Variants in ST6GALNAC4 observed in about 807,000 individuals in gnomAD.
The protein encoded by ST6GALNAC4 is ST6 N-acetylgalactosaminide alpha-2,6-sialyltransferase 4, also known as alpha-N-acetyl-neuraminyl-2,3-beta-galactosyl-1,3-N-acetyl-galactosaminide alpha-2,6-sialyltransferase.
ST6GALNAC4 carries 24 observed loss-of-function variants against 30.4 expected under a neutral mutation model. That is an observed-to-expected ratio of 0.79 (90% confidence interval 0.57 to 1.11). ST6GALNAC4 has a LOEUF of 1.11. ST6GALNAC4 is among the 50% of genes most tolerant of loss of function. The probability of loss-of-function intolerance (pLI) is 0.00; values close to 1 mark genes in which losing one functional copy is unlikely to be tolerated. For missense variants in ST6GALNAC4, 365 were observed against 430.1 expected (o/e 0.85, Z 1.34); for synonymous variants, 156 against 179.7 (o/e 0.87, Z 1.05).
At chr9:127,910,208 G>A in intron 4 of ST6GALNAC4, 150 bp from the exon 5 acceptor site, 2 of 1,434,636 alleles carry the variant, frequency 1.4e-6, no homozygotes, top group South Asian at 1.4e-5. Flanking sequence ...AGGGGACAGA[G>A]CCAGCCCAAG....
In ST6GALNAC4 at chr9:127,916,896, T is replaced by G; in HGVS notation, c.-146A>C. On this transcript the variant is annotated 5_prime_UTR_variant, in exon 1 of 6. Transcript: ENST00000335791. ...GTAGGTTTTTCACCGCCCTTCCAGA[T>G]TCCACTGCCGCATCTCCCGGCCGAA... 1 of 173,838 alleles carries G rather than the reference T, an allele frequency of 5.8e-6. No individual in the cohort carries two copies. Among genetic ancestry groups the G allele is most frequent in the Non-Finnish European group, 1.3e-5 (1 of 79,934 alleles). 10.8% of individuals were successfully genotyped at this position (173,838 alleles called of 1,614,324 possible).
intron 4 of ST6GALNAC4, among the ~76,000 whole-genome samples, chr9:127,911,514 C>T (rs1393991278): frequency 6.6e-6 from 1 of 152,178 alleles, no homozygotes; most frequent in East Asian, 1.9e-4. Context: ...GACAGAGTCT[C>T]GCTCTGTCAC....
chr9:127,916,334 G>A, intron 2 of ST6GALNAC4, 74 bp downstream of exon 2: 1 of 1,601,316 alleles, frequency 6.2e-7, no homozygotes, highest in South Asian at 1.1e-5. Context: ...GGGTCCTGGG[G>A]TGGAGAGGCT....
At position 127,908,437 on chromosome 9, in the gene ST6GALNAC4, C is replaced by A; in HGVS notation, c.864G>T (p.Lys288Asn). The A allele has an allele frequency of 6.3e-7, 1 of 1,599,802 alleles. No individual in the cohort carries two copies. The highest frequency in any genetic ancestry group is 1.7e-4 in the Middle Eastern group (1 of 6,012). ...GATGGGCGAACACGATGGGCCTCTTCTTGGCCCAGCGGGAGAAGACCGCCT... is the reference window on the plus strand; with the variant it reads ...GATGGGCGAACACGATGGGCCTCTTATTGGCCCAGCGGGAGAAGACCGCCT... ...TEKAVFSRWAKKRPIVFAHPS... is the reference protein window; with the variant it reads ...TEKAVFSRWANKRPIVFAHPS... Residue 288 changes from lysine (K) to asparagine (N), a missense_variant, in exon 6 of 6, where the codon AAG (lysine) becomes AAT (asparagine). Transcript: ENST00000335791.
In ST6GALNAC4 at chr9:127,916,771, T is replaced by A. The variant is rs1362188041; in HGVS notation, c.-76+55A>T. ...GGCGCCCCCAGCTCAAGGTCACCCA[T>A]CAGGTCTGGGGCAGAGAGAGCCAGA... On this transcript the variant is annotated intron_variant, in intron 1 of 5. Coordinates refer to ENST00000335791, the MANE Select transcript of ST6GALNAC4 (RefSeq NM_175039.4). 4 of 448,140 alleles carry A rather than the reference T, an allele frequency of 8.9e-6. No homozygotes were observed. The Admixed American group carries it at 1.1e-4, about 12-fold the overall frequency. 27.8% of individuals were successfully genotyped at this position (448,140 alleles called of 1,614,324 possible).
chr9:127,916,605 C>A (rs1831200284), intron 1 of ST6GALNAC4, 111 bp from the exon 2 acceptor site: 1 of 641,962 alleles, frequency 1.6e-6, no homozygotes, highest in Non-Finnish European at 2.7e-6. Flanking sequence ...GCACATGGCA[C>A]CCGGGAATCC....
At chr9:127,910,148 C>G in intron 4 of ST6GALNAC4, 90 bp from the exon 5 acceptor site, 3 of 1,438,824 alleles carry the variant, frequency 2.1e-6, no homozygotes, top group Non-Finnish European at 9.3e-7. Flanking sequence ...TTTGCCAGCC[C>G]GGGGCTATGC....
chr9:127,910,167 C>T, intron 4 of ST6GALNAC4, 109 bp from the exon 5 acceptor site: 1 of 1,478,280 alleles, frequency 6.8e-7, no homozygotes, highest in Non-Finnish European at 9.0e-7. Context: ...GCACCTCAAC[C>T]TCTTGCGGGG....
At position 127,908,485 on chromosome 9, in the gene ST6GALNAC4, G is replaced by A. The variant is rs778657717; in HGVS notation, c.816C>T (p.Ser272=). The A allele has an allele frequency of 4.3e-5, 69 of 1,610,398 alleles. No homozygotes were observed. Among genetic ancestry groups the A allele is most frequent in the Non-Finnish European group, 4.7e-5 (55 of 1,177,344 alleles). Residue 272 remains serine (S), a synonymous_variant, in exon 6 of 6, where the codon AGC becomes AGT. Transcript: ENST00000335791. ...MYLAHEQAPR[S]AHRFITEKAV... The stretch of plus-strand genomic sequence containing the variant: ...CCTTCTCAGTGATGAAGCGGTGGGC[G>A]CTTCGGGGCGCCTGCTCGTGTGCCA...
At position 127,908,586 on chromosome 9, in the gene ST6GALNAC4, G is replaced by A. The variant is rs370962382; in HGVS notation, c.720-5C>T. 2.2e-5 allele frequency: 34 copies of A among 1,566,084 alleles called. No homozygotes were observed. Among genetic ancestry groups the A allele is most frequent in the Non-Finnish European group, 2.6e-5 (30 of 1,146,580 alleles). On this transcript the variant is annotated splice_region_variant and splice_polypyrimidine_tract_variant and intron_variant, in intron 5 of 5. Coordinates refer to ENST00000335791, the MANE Select transcript of ST6GALNAC4 (RefSeq NM_175039.4). ...ACTGAGGGGTGGCTCTTCTCCCTGC[G>A]GGGTGGGGAACAGGGCTGGGGTGGG...
At position 127,912,269 on chromosome 9, in the gene ST6GALNAC4, G is replaced by A. The variant is rs1291640560; in HGVS notation, c.610C>T (p.Arg204Trp). The A allele has an allele frequency of 5.6e-6, 9 of 1,605,048 alleles. No homozygotes were observed. Among genetic ancestry groups the A allele is most frequent in the African/African-American group, 2.7e-5 (2 of 74,774 alleles). The part of the protein sequence containing the change: ...QIFQDETGKN[R>W]RQSGSFLSTG... Reference sequence around the variant, plus strand: ...CCAGCAGGCAGGCCCCAGGCTCACCGGTTCTTGCCCGTCTCGTCCTGGAAG... The same window carrying A: ...CCAGCAGGCAGGCCCCAGGCTCACCAGTTCTTGCCCGTCTCGTCCTGGAAG... The change falls in exon 4 of 6, where the codon CGG (arginine) becomes TGG (tryptophan). Residue 204 changes from arginine (R) to tryptophan (W), a missense_variant and splice_region_variant. Arg to Trp is a moderately radical substitution (Grantham distance 101). Transcript: ENST00000335791.
chr9:127,910,213 C>A, intron 4 of ST6GALNAC4, 155 bp from the exon 5 acceptor site: 1 of 1,427,634 alleles, frequency 7.0e-7, no homozygotes, highest in Non-Finnish European at 9.2e-7. Flanking sequence ...ACAGAGCCAG[C>A]CCAAGGCCAG....
At chr9:127,913,950 C>T (rs1030687739) in intron 3 of ST6GALNAC4, among the ~76,000 whole-genome samples, 6 of 152,172 alleles carry the variant, frequency 3.9e-5, no homozygotes, top group Non-Finnish European at 5.9e-5. Context: ...TCTTCCAGGA[C>T]GAGACAGGCA....
At chr9:127,909,550 G>GATATAT (rs138520698) in intron 5 of ST6GALNAC4, among the ~76,000 whole-genome samples, 1,966 of 145,632 alleles carry the variant, frequency 0.013, 45 homozygotes, top group African/African-American at 0.041. Flanking sequence ...ACATATCACT[G>GATATAT]ATATATATAT....
chr9:127,911,911 C>A (rs1419102315), intron 4 of ST6GALNAC4, among the ~76,000 whole-genome samples: 1 of 152,252 alleles, frequency 6.6e-6, no homozygotes, highest in Non-Finnish European at 1.5e-5. Flanking sequence ...GCGTGAGCCA[C>A]CGCACCCGGC....
intron 2 of ST6GALNAC4, among the ~76,000 whole-genome samples, chr9:127,915,566 G>A (rs1240989522): frequency 6.6e-6 from 1 of 152,254 alleles, no homozygotes; most frequent in African/African-American, 2.4e-5. Flanking sequence ...TGTGCCAAAG[G>A]CCATTGGAAC....
In ST6GALNAC4 at chr9:127,908,186, G is replaced by A. The variant is rs1411572974; in HGVS notation, c.*206C>T. The A allele has an allele frequency of 2.8e-5, 5 of 178,244 alleles. No individual in the cohort carries two copies. Among genetic ancestry groups the A allele is most frequent in the South Asian group, 3.8e-4 (2 of 5,210 alleles). The allele number at this position is 178,244 out of a possible 1,614,324, so 11.0% of individuals were successfully genotyped here. A position where few individuals can be genotyped will look rare whatever the true frequency, so the allele number is the denominator to read the frequency against. On this transcript the variant is annotated 3_prime_UTR_variant, in exon 6 of 6. Transcript: ENST00000335791. Reference sequence around the variant, plus strand: ...CTCAGGGAGTGGAGGGGGGAGACACGGCTCCCCCCTCCACTCCCCTTCAAG... The same window carrying A: ...CTCAGGGAGTGGAGGGGGGAGACACAGCTCCCCCCTCCACTCCCCTTCAAG...
chr9:127,913,307 G>A (rs772285600), intron 3 of ST6GALNAC4, among the ~76,000 whole-genome samples: 2 of 152,234 alleles, frequency 1.3e-5, no homozygotes, highest in African/African-American at 2.4e-5. Context: ...CATCTGGGCC[G>A]GGAGCGGTGG....
intron 2 of ST6GALNAC4, among the ~76,000 whole-genome samples, chr9:127,915,075 G>A (rs1386421473): frequency 2.0e-5 from 3 of 152,154 alleles, no homozygotes; most frequent in African/African-American, 7.2e-5. Context: ...GATAAGGAAA[G>A]CAGTTTGGAG....
Sources: allele counts gnomAD v4.1 joint callset (sites outside exome capture counted in the v4.1 genomes callset), GRCh38; gene constraint gnomAD v4.1.1; transcripts MANE v1.5; gene names NCBI Gene and HGNC (gene_info 2026-07-23, HGNC 2026-07-21).